FGGY: variants seen among roughly 807,000 people sequenced by gnomAD.
FGGY encodes the protein FGGY carbohydrate kinase domain containing.
Under a neutral mutation model 71.3 loss-of-function variants are expected in FGGY, and 72 were observed. That is an observed-to-expected ratio of 1.01 (90% CI 0.84 to 1.23). The LOEUF is 1.23. FGGY is among the 50% of genes most tolerant of loss of function. The probability of loss-of-function intolerance (pLI) is 0.00; values close to 1 mark genes in which losing one functional copy is unlikely to be tolerated. For synonymous variants in FGGY, 251 were observed against 250.3 expected (o/e 1.00, Z -0.02); for missense variants, 668 against 682.3 (o/e 0.98, Z 0.23).
chr1:59,491,155 C>T lies in FGGY; in HGVS notation c.671-21156C>T, dbSNP rs1412162001. On this transcript the variant is annotated intron_variant, in intron 6 of 15. Transcript: ENST00000303721. ...CCTTCCTTCCTTCCTTTCTCTCTTT[C>T]TCTCTTTTTTTCTTTCTTCTTTCTT... 2.1e-5 allele frequency among the ~76,000 whole-genome samples: 3 copies of T among 141,816 alleles called. No individual in the cohort carries two copies. The South Asian group carries it at 6.9e-4, about 33-fold the overall frequency. 93.0% of individuals were successfully genotyped at this position (141,816 alleles called of 152,430 possible).
intron 2 of FGGY, among the ~76,000 whole-genome samples, chr1:59,324,677 A>G (rs2047064567): frequency 6.6e-6 from 1 of 152,314 alleles, no homozygotes; most frequent in Non-Finnish European, 1.5e-5. Context: ...GGTCTCCTGA[A>G]TAAGAAGAAG....
intron 6 of FGGY, among the ~76,000 whole-genome samples, chr1:59,483,774 G>A (rs1039175140): frequency 6.6e-6 from 1 of 152,128 alleles, no homozygotes; most frequent in African/African-American, 2.4e-5. Flanking sequence ...CTTGTCTAAA[G>A]CAATTTCCTC....
chr1:59,368,088 T>G (rs2056885080), intron 4 of FGGY, among the ~76,000 whole-genome samples: 1 of 152,126 alleles, frequency 6.6e-6, no homozygotes, highest in South Asian at 2.1e-4. Flanking sequence ...TAGAAAGACT[T>G]AACTCATTCA....
chr1:59,382,373 GC>G (rs1364399616), intron 5 of FGGY, among the ~76,000 whole-genome samples: 1 of 152,138 alleles, frequency 6.6e-6, no homozygotes, highest in African/African-American at 2.4e-5. Context: ...GAACCTCCTT[GC>G]GGTGAAACAA....
chr1:59,639,737 A>G (rs114897983), intron 11 of FGGY, among the ~76,000 whole-genome samples: 131 of 152,338 alleles, frequency 8.6e-4, no homozygotes, highest in African/African-American at 3.1e-3. Context: ...GCAGTGTTGC[A>G]TAGTAAAATG....
chr1:59,751,093 G>A (rs1241737298), intron 14 of FGGY, among the ~76,000 whole-genome samples: 2 of 152,152 alleles, frequency 1.3e-5, no homozygotes, highest in Non-Finnish European at 2.9e-5. Flanking sequence ...CGAATGTAGG[G>A]TTTGCAATGG....
chr1:59,420,314 T>C (rs1275366422), intron 5 of FGGY, among the ~76,000 whole-genome samples: 1 of 152,164 alleles, frequency 6.6e-6, no homozygotes. Flanking sequence ...TTTCCAATGG[T>C]GGTACAGATA....
intron 2 of FGGY, among the ~76,000 whole-genome samples, chr1:59,327,381 C>G (rs58948207): frequency 0.021 from 3,169 of 152,260 alleles, 53 homozygotes; most frequent in East Asian, 0.051. Flanking sequence ...CTTTGTTCAT[C>G]CATAAGAAGC....
chr1:59,334,246 A>C (rs2049036771), intron 2 of FGGY, among the ~76,000 whole-genome samples: 1 of 152,092 alleles, frequency 6.6e-6, no homozygotes, highest in South Asian at 2.1e-4. Context: ...GGGTTGAAGC[A>C]GTTCTCCTGC....
intron 14 of FGGY, among the ~76,000 whole-genome samples, chr1:59,704,995 T>C (rs1395186810): frequency 6.6e-6 from 1 of 152,216 alleles, no homozygotes; most frequent in Non-Finnish European, 1.5e-5. Flanking sequence ...CATTGTTCTT[T>C]TCCTTTGCCT....
At chr1:59,505,601 T>C (rs2094358033) in intron 6 of FGGY, among the ~76,000 whole-genome samples, 1 of 152,174 alleles carries the variant, frequency 6.6e-6, no homozygotes, top group Non-Finnish European at 1.5e-5. Context: ...TCCATGGGCC[T>C]GGAACCAACT....
intron 8 of FGGY, among the ~76,000 whole-genome samples, chr1:59,606,853 T>A (rs571854126): frequency 3.9e-5 from 6 of 152,242 alleles, no homozygotes; most frequent in South Asian, 2.1e-4. Flanking sequence ...ATTTTGTCTT[T>A]ACCATCTCAT....
At chr1:59,480,244 A>G (rs1207522489) in intron 6 of FGGY, among the ~76,000 whole-genome samples, 1 of 151,952 alleles carries the variant, frequency 6.6e-6, no homozygotes, top group Admixed American at 6.6e-5. Context: ...AAAACCAAAA[A>G]CCCGAATTAT....
At position 59,599,251 on chromosome 1, in the gene FGGY, G is replaced by A. The variant is rs186011739; in HGVS notation, c.904-8552G>A. On this transcript the variant is annotated intron_variant, in intron 8 of 15. Transcript: ENST00000303721. The stretch of plus-strand genomic sequence containing the variant: ...CCCAAGTAGTTGGTACTACAGGCAC[G>A]TGCCACCACACCTAGCTAATTTTTG... Among the ~76,000 whole-genome samples the A allele has an allele frequency of 1.4e-3, 210 of 152,108 alleles. 1 individual carries two copies. Among genetic ancestry groups the A allele is most frequent in the African/African-American group, 3.9e-3 (161 of 41,522 alleles).
At chr1:59,578,834 T>A (rs1187889740) in intron 8 of FGGY, among the ~76,000 whole-genome samples, 1 of 152,026 alleles carries the variant, frequency 6.6e-6, no homozygotes, top group Non-Finnish European at 1.5e-5. Context: ...CATCAGCAAA[T>A]CTGTCTCTAC....
chr1:59,433,891 A>G (rs1380746291), intron 5 of FGGY, among the ~76,000 whole-genome samples: 1 of 152,224 alleles, frequency 6.6e-6, no homozygotes, highest in East Asian at 1.9e-4. Context: ...ATGGCTTATT[A>G]CACAAATGGA....
At chr1:59,336,008 A>G (rs909940517) in intron 2 of FGGY, among the ~76,000 whole-genome samples, 4 of 152,084 alleles carry the variant, frequency 2.6e-5, no homozygotes, top group African/African-American at 9.7e-5. Context: ...ATTTTGATGA[A>G]GTCAAAATTT....
chr1:59,311,298 A>G (rs530480802), intron 1 of FGGY, among the ~76,000 whole-genome samples: 2 of 151,784 alleles, frequency 1.3e-5, no homozygotes, highest in African/African-American at 4.8e-5. Flanking sequence ...GTTCCAGGAT[A>G]CATGTGTAGA....
intron 15 of FGGY, among the ~76,000 whole-genome samples, chr1:59,759,846 G>C (rs2098327415): frequency 6.6e-6 from 1 of 152,220 alleles, no homozygotes; most frequent in Non-Finnish European, 1.5e-5. Flanking sequence ...GTCACGGAGA[G>C]TGTAATTTAG....
Sources: gnomAD v4.1 joint callset for allele counts (sites outside exome capture counted in the v4.1 genomes callset) on GRCh38, gnomAD v4.1.1 for gene constraint, MANE v1.5 for transcripts, NCBI Gene and HGNC (gene_info 2026-07-23, HGNC 2026-07-21) for gene names.